TAFA5: variants seen among roughly 807,000 people sequenced by gnomAD.
TAFA5 encodes the protein chemokine-like protein TAFA-5.
TAFA5 carries 6 observed loss-of-function variants against 15.3 expected under a neutral mutation model. The observed-to-expected ratio is 0.39, with a 90% CI of 0.21 to 0.77. The LOEUF (loss-of-function observed/expected upper bound fraction) is 0.77, where lower values mean the gene tolerates loss of function less well. Ranked by LOEUF, TAFA5 falls within the 30% of genes least tolerant of loss-of-function variation. The pLI, the probability that TAFA5 is intolerant of heterozygous loss-of-function variation, is 0.41. For synonymous variants in TAFA5, 103 were observed against 80.7 expected (o/e 1.28, Z -1.48); for missense variants, 161 against 193.1 (o/e 0.83, Z 0.98).
At chr22:48,557,028 CA>C in intron 1 of TAFA5, among the ~76,000 whole-genome samples, 1 of 152,276 alleles carries the variant, frequency 6.6e-6, no homozygotes, top group African/African-American at 2.4e-5. Context: ...GCGTGGTCAC[CA>C]GGGGCACCCA....
intron 1 of TAFA5, among the ~76,000 whole-genome samples, chr22:48,518,603 T>C (rs1411059623): frequency 6.6e-6 from 1 of 152,198 alleles, no homozygotes; most frequent in East Asian, 1.9e-4. Flanking sequence ...GAGCGGGTCT[T>C]ACCCTCCAGC....
intron 1 of TAFA5, among the ~76,000 whole-genome samples, chr22:48,608,473 G>A (rs984308574): frequency 1.2e-4 from 18 of 151,762 alleles, no homozygotes; most frequent in African/African-American, 4.1e-4. Context: ...TGACTCATCC[G>A]TCCTCCACTT....
At chr22:48,737,269 G>A (rs1310293763) in intron 3 of TAFA5, among the ~76,000 whole-genome samples, 1 of 152,252 alleles carries the variant, frequency 6.6e-6, no homozygotes, top group Non-Finnish European at 1.5e-5. Flanking sequence ...CAGGGAACCT[G>A]AGAACGTGGC....
At chr22:48,576,470 G>A in intron 1 of TAFA5, 1 of 1,444,496 alleles carries the variant, frequency 6.9e-7, no homozygotes, top group South Asian at 1.5e-5. Context: ...CGGCCGAGTT[G>A]GGACTCCGCG....
intron 1 of TAFA5, among the ~76,000 whole-genome samples, chr22:48,540,083 A>G (rs1255135071): frequency 1.3e-5 from 2 of 152,206 alleles, no homozygotes; most frequent in Admixed American, 1.3e-4. Context: ...CCTTGACTGC[A>G]GGAGAAGGGC....
At chr22:48,660,910 G>A (rs1476974718) in intron 2 of TAFA5, among the ~76,000 whole-genome samples, 1 of 149,372 alleles carries the variant, frequency 6.7e-6, no homozygotes, top group Non-Finnish European at 1.5e-5. Flanking sequence ...TTACAGTCTC[G>A]GAGACCCAGG....
At chr22:48,678,761 TAA>T (rs58165740) in intron 2 of TAFA5, among the ~76,000 whole-genome samples, 4,667 of 148,084 alleles carry the variant, frequency 0.032, 246 homozygotes, top group African/African-American at 0.11. Flanking sequence ...AAAACAAAGT[TAA>T]AAAAAAAAAA....
intron 1 of TAFA5, among the ~76,000 whole-genome samples, chr22:48,618,550 C>T (rs1055461714): frequency 1.3e-5 from 2 of 152,184 alleles, no homozygotes; most frequent in Non-Finnish European, 1.5e-5. Context: ...TGGCCTCGTC[C>T]GCACCCGCAG....
chr22:48,490,859 A>G lies in TAFA5; in HGVS notation c.112+1155A>G, dbSNP rs1440966950. On this transcript the variant is annotated intron_variant, in intron 1 of 3. Transcript: ENST00000402357. The surrounding 1 kb of genome is among the most constrained non-coding windows in gnomAD (Gnocchi z 5.8). Reference sequence around the variant, plus strand: ...CAGAGCCCCGGGCCTCCAAGCTCCCAGTCCGATCTGATCCTTCCGCTGTCG... The same window carrying G: ...CAGAGCCCCGGGCCTCCAAGCTCCCGGTCCGATCTGATCCTTCCGCTGTCG... 6.8e-6 allele frequency among the ~76,000 whole-genome samples: 1 copy of G among 147,760 alleles called. No individual in the cohort carries two copies. Among genetic ancestry groups the G allele is most frequent in the Non-Finnish European group, 1.5e-5 (1 of 67,310 alleles).
At chr22:48,633,539 C>CTCTCTCTCTCTCTCTCTCTCTCTCTCT (rs1569056626) in intron 1 of TAFA5, among the ~76,000 whole-genome samples, 3 of 128,818 alleles carry the variant, frequency 2.3e-5, no homozygotes, top group East Asian at 2.6e-4. Context: ...TCTGTCTCTC[C>CTCTCTCTCTCTCTCTCTCTCTCTCTCT]CTCTCTCTCT....
At chr22:48,525,206 T>C (rs1186619841) in intron 1 of TAFA5, among the ~76,000 whole-genome samples, 1 of 152,288 alleles carries the variant, frequency 6.6e-6, no homozygotes, top group South Asian at 2.1e-4. Flanking sequence ...GGTGACCCAT[T>C]CACAGGCTCC....
At chr22:48,506,230 G>A (rs1388159419) in intron 1 of TAFA5, among the ~76,000 whole-genome samples, 2 of 152,208 alleles carry the variant, frequency 1.3e-5, no homozygotes, top group Non-Finnish European at 2.9e-5. Flanking sequence ...ACTTGACCTT[G>A]CATGGAGGGA....
intron 1 of TAFA5, among the ~76,000 whole-genome samples, chr22:48,615,279 A>G (rs1925558014): frequency 6.6e-6 from 1 of 152,194 alleles, no homozygotes; most frequent in Admixed American, 6.5e-5. Flanking sequence ...AGAACTGATG[A>G]AAAGCACTCG....
At chr22:48,502,817 A>G (rs5768684) in intron 1 of TAFA5, among the ~76,000 whole-genome samples, 121,118 of 152,180 alleles carry the variant, frequency 0.8, 48,811 homozygotes, top group African/African-American at 0.9. Flanking sequence ...CCACCACCGC[A>G]CCTGGCCAAG....
intron 1 of TAFA5, among the ~76,000 whole-genome samples, chr22:48,516,956 C>A (rs1921428761): frequency 6.6e-6 from 1 of 152,222 alleles, no homozygotes; most frequent in African/African-American, 2.4e-5. Context: ...TTATTTTTCG[C>A]ATAGTTAAAA....
At chr22:48,643,759 C>G (rs1005741817) in intron 1 of TAFA5, among the ~76,000 whole-genome samples, 1 of 152,190 alleles carries the variant, frequency 6.6e-6, no homozygotes, top group African/African-American at 2.4e-5. Context: ...CAGAGCTGCC[C>G]CATTTTGGGC....
intron 1 of TAFA5, among the ~76,000 whole-genome samples, chr22:48,564,415 C>T (rs1044043571): frequency 6.6e-6 from 1 of 152,222 alleles, no homozygotes. Context: ...CAAGTGCTGA[C>T]CTTTTGGGCC....
chr22:48,713,381 G>A lies in TAFA5; in HGVS notation c.390+5537G>A, dbSNP rs140396322. On this transcript the variant is annotated intron_variant, in intron 3 of 3. Transcript: ENST00000402357. ...GTAGTCAGGCCATTCCAGGGCCTCC[G>A]TTGGATATGGACAAGAGGACACTGA... Among the ~76,000 whole-genome samples the A allele has an allele frequency of 1.9e-4, 29 of 152,320 alleles. No individual in the cohort carries two copies. In the Middle Eastern group the frequency reaches 0.014, roughly 71 times the overall value.
chr22:48,663,502 CT>C (rs1469659298), intron 2 of TAFA5, among the ~76,000 whole-genome samples: 1 of 152,210 alleles, frequency 6.6e-6, no homozygotes, highest in Non-Finnish European at 1.5e-5. Flanking sequence ...CTGACTCTGT[CT>C]CTATCACCAC....
Sources: allele counts gnomAD v4.1 joint callset (sites outside exome capture counted in the v4.1 genomes callset), GRCh38; gene constraint gnomAD v4.1.1; non-coding constraint Gnocchi (gnomAD v3.1); transcripts MANE v1.5; gene names NCBI Gene and HGNC (gene_info 2026-07-23, HGNC 2026-07-21).